Variants in ANKS1B observed in about 807,000 individuals in gnomAD.
ANKS1B encodes ankyrin repeat and sterile alpha motif domain containing 1B, also known as ankyrin repeat and sterile alpha motif domain-containing protein 1B.
A neutral mutation model predicts 148.3 loss-of-function variants in ANKS1B; 36 were observed. That is an observed-to-expected ratio of 0.24 (90% CI 0.19 to 0.32). ANKS1B has a LOEUF of 0.32. ANKS1B is among the 10% of genes least tolerant of loss of function. The pLI is 1.00. For missense variants in ANKS1B, 1,157 were observed against 1,542.6 expected (o/e 0.75, Z 4.19); for synonymous variants, 542 against 560.8 (o/e 0.97, Z 0.47).
chr12:99,483,084 T>C (rs1424777536), intron 10 of ANKS1B, among the ~76,000 whole-genome samples: 1 of 151,686 alleles, frequency 6.6e-6, no homozygotes, highest in African/African-American at 2.4e-5. Context: ...CTGTTCTCGG[T>C]GGGGGGAATG....
chr12:99,388,645 T>C lies in ANKS1B; in HGVS notation c.1756+10986A>G, dbSNP rs2093960516. On this transcript the variant is annotated intron_variant, in intron 12 of 26. Transcript: ENST00000683438. ...TCACAGTTTACAAGAGTCAGGAGTC[T>C]GGGTGGCTTAACTGGGCCCTCTGCT... Among the ~76,000 whole-genome samples, 4 of 152,320 alleles carry C rather than the reference T, an allele frequency of 2.6e-5. No individual in the cohort carries two copies. In the East Asian group the frequency reaches 7.7e-4, roughly 29 times the overall value.
chr12:99,400,985 T>G (rs2094388732), intron 11 of ANKS1B, among the ~76,000 whole-genome samples: 1 of 145,538 alleles, frequency 6.9e-6, no homozygotes, highest in African/African-American at 2.6e-5. Context: ...CTGCACAGTA[T>G]AGGGTTTTTA....
chr12:99,768,463 G>A (rs1046645335), intron 8 of ANKS1B, among the ~76,000 whole-genome samples: 2 of 152,040 alleles, frequency 1.3e-5, no homozygotes, highest in Admixed American at 6.6e-5. Flanking sequence ...CCAATGTGAT[G>A]GTATTAAGGA....
intron 17 of ANKS1B, among the ~76,000 whole-genome samples, chr12:98,946,283 G>A (rs756714121): frequency 6.6e-6 from 1 of 152,200 alleles, no homozygotes; most frequent in East Asian, 1.9e-4. Flanking sequence ...TGTCCTAGAA[G>A]AATCACAGGG....
At chr12:99,399,351 G>A (rs1239351494) in intron 12 of ANKS1B, among the ~76,000 whole-genome samples, 1 of 151,954 alleles carries the variant, frequency 6.6e-6, no homozygotes, top group Non-Finnish European at 1.5e-5. Flanking sequence ...TGTGGTGAGG[G>A]GTAAATGGCA....
chr12:99,450,283 G>C (rs1397551905), intron 10 of ANKS1B, among the ~76,000 whole-genome samples: 2 of 152,132 alleles, frequency 1.3e-5, no homozygotes, highest in Admixed American at 1.3e-4. Flanking sequence ...ACAGTAGGGT[G>C]GATGATTTGC....
intron 1 of ANKS1B, among the ~76,000 whole-genome samples, chr12:99,953,218 A>G (rs370905940): frequency 2.0e-5 from 3 of 152,334 alleles, no homozygotes; most frequent in African/African-American, 7.2e-5. Context: ...TCAAAGAAGG[A>G]GGAATGATAA....
At position 99,730,463 on chromosome 12, in the gene ANKS1B, T is replaced by TCATC. The variant is rs566515673; in HGVS notation, c.1128+42455_1128+42458dup. 3.3e-5 allele frequency among the ~76,000 whole-genome samples: 5 copies of TCATC among 152,294 alleles called. No homozygotes were observed. The South Asian group carries it at 1.0e-3, about 32-fold the overall frequency. On this transcript the variant is annotated intron_variant, in intron 8 of 26. Transcript: ENST00000683438. The stretch of plus-strand genomic sequence containing the variant: ...TAGCCTCCAACTTTTTTGGCTAGTT[T>TCATC]CATCCAGAGTACAACACTCACTTTA...
chr12:99,800,461 A>T (rs1014162924), intron 4 of ANKS1B, among the ~76,000 whole-genome samples: 1 of 143,704 alleles, frequency 7.0e-6, no homozygotes, highest in Non-Finnish European at 1.5e-5. Flanking sequence ...AAAAAAAAAA[A>T]CGGAGGAAAA....
chr12:99,391,624 T>C, intron 12 of ANKS1B, among the ~76,000 whole-genome samples: 1 of 152,218 alleles, frequency 6.6e-6, no homozygotes, highest in East Asian at 1.9e-4. Flanking sequence ...GGTAAGCCAA[T>C]AGTATTATAT....
chr12:99,873,849 C>T (rs1336200090), intron 1 of ANKS1B, among the ~76,000 whole-genome samples: 1 of 151,970 alleles, frequency 6.6e-6, no homozygotes, highest in African/African-American at 2.4e-5. Flanking sequence ...ACAGTCTGAC[C>T]TCCCTAAAGG....
intron 17 of ANKS1B, among the ~76,000 whole-genome samples, chr12:99,031,209 C>A (rs4762545): frequency 0.88 from 134,766 of 152,280 alleles, 60,017 homozygotes; most frequent in East Asian, 1. Context: ...ACCTTCTAGA[C>A]ATATTCCAAG....
At chr12:99,586,952 G>C (rs959470703) in intron 9 of ANKS1B, among the ~76,000 whole-genome samples, 2 of 152,038 alleles carry the variant, frequency 1.3e-5, no homozygotes, top group Non-Finnish European at 2.9e-5. Context: ...TACAATTCAA[G>C]ATGAGATTTG....
intron 22 of ANKS1B, among the ~76,000 whole-genome samples, chr12:98,785,246 G>A (rs980591499): frequency 2.0e-5 from 3 of 152,206 alleles, no homozygotes; most frequent in African/African-American, 7.2e-5. Context: ...GAGGTGAGCA[G>A]ATCACCAGAG....
chr12:99,686,865 C>T (rs1259135079), intron 8 of ANKS1B, among the ~76,000 whole-genome samples: 1 of 152,126 alleles, frequency 6.6e-6, no homozygotes, highest in East Asian at 1.9e-4. Context: ...TTTTAATCTC[C>T]TTTAAGAAGA....
intron 9 of ANKS1B, among the ~76,000 whole-genome samples, chr12:99,526,599 C>A (rs530087703): frequency 8.5e-5 from 13 of 152,084 alleles, no homozygotes; most frequent in African/African-American, 2.4e-4. Context: ...GATAGCATCC[C>A]TCTTTAGAAG....
intron 12 of ANKS1B, among the ~76,000 whole-genome samples, chr12:99,278,189 GC>G (rs1204650184): frequency 6.6e-6 from 1 of 152,176 alleles, no homozygotes; most frequent in African/African-American, 2.4e-5. Context: ...CAGAGAGCTG[GC>G]CAAGAGAATG....
chr12:99,812,405 A>C, intron 2 of ANKS1B, 94 bp from the exon 3 acceptor site: 1 of 1,305,638 alleles, frequency 7.7e-7, no homozygotes, highest in East Asian at 2.4e-5. Flanking sequence ...GCTGGGTGGG[A>C]ATTTAGAGTA....
intron 10 of ANKS1B, 29 bp from the exon 11 acceptor site, chr12:99,443,838 C>T: frequency 1.3e-6 from 2 of 1,582,920 alleles, no homozygotes; most frequent in Non-Finnish European, 1.7e-6. Context: ...CTGCCATGAA[C>T]CTAATCACTC....
Sources: gnomAD v4.1 joint callset for allele counts (sites outside exome capture counted in the v4.1 genomes callset) on GRCh38, gnomAD v4.1.1 for gene constraint, MANE v1.5 for transcripts, NCBI Gene and HGNC (gene_info 2026-07-23, HGNC 2026-07-21) for gene names.